UGDH: variants seen among roughly 807,000 people sequenced by gnomAD.
UGDH encodes UDP-Glc dehydrogenase.
In UGDH, 38 loss-of-function variants were observed where a neutral mutation model predicts 50.6. The ratio of observed to expected loss-of-function variants is 0.75; its 90% CI spans 0.58 to 0.98. The LOEUF is 0.98. Ranked by LOEUF, UGDH falls within the 50% of genes least tolerant of loss-of-function variation. UGDH has a pLI of 0.00. For missense variants in UGDH, 465 were observed against 606.2 expected, an observed-to-expected ratio of 0.77 and a Z score of 2.45; for synonymous variants, 168 against 199.9, an observed-to-expected ratio of 0.84 and a Z score of 1.35.
intron 2 of UGDH, among the ~76,000 whole-genome samples, chr4:39,516,650 G>C (rs778385684): frequency 3.9e-5 from 6 of 152,146 alleles, no homozygotes; most frequent in Non-Finnish European, 8.8e-5. Flanking sequence ...TTCTCCAATG[G>C]TTCCGAGGTC....
intron 2 of UGDH, among the ~76,000 whole-genome samples, chr4:39,519,153 G>A (rs1312119828): frequency 2.0e-5 from 3 of 151,718 alleles, no homozygotes; most frequent in Non-Finnish European, 4.4e-5. Context: ...ATGACCTGAA[G>A]TGAACTGCTC....
intron 3 of UGDH, among the ~76,000 whole-genome samples, chr4:39,511,427 C>CT (rs1170696038): frequency 6.6e-6 from 1 of 151,366 alleles, no homozygotes; most frequent in Admixed American, 6.6e-5. Flanking sequence ...CACCCCACCA[C>CT]TTTTTTTATA....
intron 3 of UGDH, among the ~76,000 whole-genome samples, chr4:39,513,727 G>C (rs1241043228): frequency 6.6e-6 from 1 of 151,566 alleles, no homozygotes. Flanking sequence ...AGTAGAGACG[G>C]GGTTTCACCA....
intron 3 of UGDH, 142 bp from the exon 4 acceptor site, chr4:39,511,003 A>G: frequency 2.8e-6 from 2 of 711,760 alleles, no homozygotes; most frequent in South Asian, 4.0e-5. Context: ...TAGAAATAAT[A>G]CATTTTATAA....
chr4:39,508,788 A>G, intron 6 of UGDH, 128 bp from the exon 7 acceptor site: 1 of 740,756 alleles, frequency 1.3e-6, no homozygotes, highest in East Asian at 3.3e-5. Context: ...TCAGATGGAT[A>G]AATAATGGGC....
chr4:39,504,564 A>G, intron 9 of UGDH, 56 bp from the exon 10 acceptor site: 1 of 1,452,008 alleles, frequency 6.9e-7, no homozygotes, highest in South Asian at 1.2e-5. Context: ...ATATGACATT[A>G]CAGTAGTTCC....
At chr4:39,518,173 C>T (rs138739265) in intron 2 of UGDH, among the ~76,000 whole-genome samples, 2,132 of 152,222 alleles carry the variant, frequency 0.014, 24 homozygotes, top group Non-Finnish European at 0.021. Context: ...TCAGGTGATC[C>T]GCCCACCTCA....
intron 11 of UGDH, among the ~76,000 whole-genome samples, chr4:39,502,170 T>C (rs1342289469): frequency 6.6e-6 from 1 of 152,238 alleles, no homozygotes. Context: ...AATGTGTCTA[T>C]GCCTTGCAAA....
intron 7 of UGDH, among the ~76,000 whole-genome samples, chr4:39,508,218 A>G (rs752950765): frequency 7.9e-5 from 12 of 152,130 alleles, no homozygotes; most frequent in Non-Finnish European, 1.8e-4. Context: ...AGAAACTGCT[A>G]TTATTATTGC....
intron 5 of UGDH, 52 bp downstream of exon 5, chr4:39,510,297 GAAAT>G: frequency 6.4e-7 from 1 of 1,563,388 alleles, no homozygotes; most frequent in Non-Finnish European, 8.8e-7. Context: ...TATCAGGCTT[GAAAT>G]AAATAAATAT....
chr4:39,518,976 G>T (rs1372374556), intron 2 of UGDH, among the ~76,000 whole-genome samples: 20 of 152,110 alleles, frequency 1.3e-4, no homozygotes. Context: ...GAGTATAGTG[G>T]TGCGATCTCA....
chr4:39,500,102 CAA>C lies in UGDH; in HGVS notation c.*39_*40del, dbSNP rs56814765. ...ATAGATATTTGCTATCCTGAAGTAC[CAA>C]AAAAAAAAAAAAAAAATCACAAATA... On this transcript the variant is annotated 3_prime_UTR_variant, in exon 12 of 12. Transcript: ENST00000316423. 0.11 allele frequency: 116,645 copies of C among 1,046,096 alleles called. 3,134 individuals are homozygous for C. Among genetic ancestry groups the C allele is most frequent in the African/African-American group, 0.35 (19,923 of 57,198 alleles). 64.8% of individuals were successfully genotyped at this position (1,046,096 alleles called of 1,614,324 possible).
intron 3 of UGDH, among the ~76,000 whole-genome samples, chr4:39,511,154 C>T (rs761856779): frequency 2.0e-5 from 3 of 151,980 alleles, no homozygotes; most frequent in South Asian, 2.1e-4. Context: ...ATGAATGAGA[C>T]GGTTATCCTA....
intron 7 of UGDH, 53 bp downstream of exon 7, chr4:39,508,513 T>C: frequency 6.5e-7 from 1 of 1,546,814 alleles, no homozygotes; most frequent in Non-Finnish European, 8.9e-7. Flanking sequence ...CGATTACAGG[T>C]GTGAACCACT....
At chr4:39,524,130 C>CAG (rs1746782601) in intron 1 of UGDH, among the ~76,000 whole-genome samples, 1 of 152,094 alleles carries the variant, frequency 6.6e-6, no homozygotes, top group African/African-American at 2.4e-5. Flanking sequence ...AATGTTGGAC[C>CAG]AGAGGATCTT....
chr4:39,506,006 C>T (rs765607718), intron 7 of UGDH, among the ~76,000 whole-genome samples: 3 of 151,632 alleles, frequency 2.0e-5, no homozygotes, highest in African/African-American at 2.4e-5. Flanking sequence ...CCGAGGTGGG[C>T]GATTGCTTGA....
chr4:39,506,056 C>T (rs565527667), intron 7 of UGDH, among the ~76,000 whole-genome samples: 4 of 151,820 alleles, frequency 2.6e-5, no homozygotes, highest in African/African-American at 9.7e-5. Flanking sequence ...CACGGCGAGA[C>T]CCTGTCTCTA....
Position 39,521,415 on chromosome 4 carries a change from G to A in UGDH, c.98C>T (p.Thr33Met), listed in dbSNP as rs145763615. The change falls in exon 2 of 12, where the codon ACG becomes ATG. Residue 33 changes from threonine to methionine, a missense_variant. Thr to Met is a moderately conservative substitution (Grantham distance 81, BLOSUM62 -1). Transcript: ENST00000316423. The stretch of plus-strand genomic sequence containing the variant: ...TCTTGATTCATTGACATCAACAACC[G>A]TTACCCTGATTTCAGGACACATATG... ...IAHMCPEIRV[T>M]VVDVNESRIN... The A allele has an allele frequency of 2.2e-4, 359 of 1,613,288 alleles. No homozygotes were observed. The highest frequency in any genetic ancestry group is 8.4e-4 in the Admixed American group (50 of 59,868).
chr4:39,501,213 G>A (rs71606173), intron 11 of UGDH, among the ~76,000 whole-genome samples: 17,294 of 151,272 alleles, frequency 0.11, 1,153 homozygotes, highest in Admixed American at 0.15. Context: ...TGATCCATCC[G>A]CCTTGGCCTC....
Sources: allele counts gnomAD v4.1 joint callset (sites outside exome capture counted in the v4.1 genomes callset), GRCh38; gene constraint gnomAD v4.1.1; transcripts MANE v1.5; gene names NCBI Gene and HGNC (gene_info 2026-07-23, HGNC 2026-07-21).